ANK1: variants seen among roughly 807,000 people sequenced by gnomAD.
ANK1 encodes the protein ankyrin 1.
A neutral mutation model predicts 210.4 loss-of-function variants in ANK1; 51 were observed. The observed-to-expected ratio is 0.24, with a 90% confidence interval of 0.19 to 0.31. The LOEUF (loss-of-function observed/expected upper bound fraction) is 0.31. ANK1 is among the 10% of genes least tolerant of loss of function. The pLI is 1.00. For synonymous variants in ANK1, 967 were observed against 1,025.9 expected (o/e 0.94, Z 1.10); for missense variants, 2,051 against 2,504.4 (o/e 0.82, Z 3.86).
intron 39 of ANK1, among the ~76,000 whole-genome samples, chr8:41,667,126 C>T (rs558991813): frequency 3.8e-4 from 58 of 152,218 alleles, no homozygotes; most frequent in Non-Finnish European, 7.1e-4. Context: ...AAGAAACGGA[C>T]GGGCCGCCTG....
At chr8:41,734,795 C>T (rs1833030421) in intron 2 of ANK1, among the ~76,000 whole-genome samples, 1 of 151,934 alleles carries the variant, frequency 6.6e-6, no homozygotes, top group Non-Finnish European at 1.5e-5. Flanking sequence ...CCCAGCTACT[C>T]AGGGGGCTGA....
At chr8:41,822,440 C>A (rs1404752579) in intron 1 of ANK1, among the ~76,000 whole-genome samples, 3 of 152,166 alleles carry the variant, frequency 2.0e-5, no homozygotes, top group Non-Finnish European at 4.4e-5. Context: ...ATACTTCTAT[C>A]AGTAAAAATA....
chr8:41,776,186 A>G (rs907464413), intron 1 of ANK1, among the ~76,000 whole-genome samples: 4 of 152,158 alleles, frequency 2.6e-5, no homozygotes, highest in African/African-American at 9.7e-5. Flanking sequence ...GAAATTCAAT[A>G]TTCTCCAGTA....
intron 1 of ANK1, among the ~76,000 whole-genome samples, chr8:41,837,024 C>T (rs1348055688): frequency 6.6e-6 from 1 of 152,060 alleles, no homozygotes; most frequent in Non-Finnish European, 1.5e-5. Context: ...TGTGTGACGT[C>T]CCCCCAAGGG....
rs987458909 is a variant in ANK1, at chr8:41,714,982, G to A, written c.1695C>T (p.Ala565=). The A allele has an allele frequency of 9.9e-6, 16 of 1,613,882 alleles. No individual in the cohort carries two copies. Among genetic ancestry groups the A allele is most frequent in the Admixed American group, 5.0e-5 (3 of 59,988 alleles). The change falls in exon 15 of 43, where the codon GCC becomes GCT. Residue 565 remains alanine, a synonymous_variant. Coordinates refer to ENST00000289734, the MANE Select transcript of ANK1 (RefSeq NM_000037.4). ...LLERDAHPNA[A]GKNGLTPLHV... The stretch of plus-strand genomic sequence containing the variant: ...GGGCAGGGTTCAAACTCACTTTTCC[G>A]GCAGCATTCGGGTGTGCGTCCCGCT...
rs1219442015 is a variant in ANK1, at chr8:41,715,191, G to C, written c.1603-117C>G. ...GCATGGAGAGGCCAATGAAAGCAAA[G>C]GCACAGCCATTTTTGAGCCCTCTGG... On this transcript the variant is annotated intron_variant, in intron 14 of 42. Transcript: ENST00000289734. 9 of 957,196 alleles carry C rather than the reference G, an allele frequency of 9.4e-6. No individual in the cohort carries two copies. The East Asian group carries it at 2.2e-4, about 24-fold the overall frequency. 59.3% of individuals were successfully genotyped at this position (957,196 alleles called of 1,614,324 possible). A position where few individuals can be genotyped will look rare whatever the true frequency, so the allele number is the denominator to read the frequency against.
At chr8:41,787,475 T>G (rs571904021) in intron 1 of ANK1, among the ~76,000 whole-genome samples, 2 of 152,126 alleles carry the variant, frequency 1.3e-5, no homozygotes, top group African/African-American at 4.8e-5. Context: ...CTGACAGGGG[T>G]AGCTGGGAGA....
At chr8:41,723,705 C>T (rs368215745) in intron 7 of ANK1, 72 bp from the exon 8 acceptor site, 3 of 1,387,888 alleles carry the variant, frequency 2.2e-6, no homozygotes, top group Non-Finnish European at 3.0e-6. Flanking sequence ...CACCCGCTCC[C>T]CTTGTCCCCA....
rs1239318019 is a variant in ANK1, at chr8:41,693,321, C to T, written c.3533-120G>A. The T allele has an allele frequency of 1.3e-5, 11 of 842,276 alleles. No individual in the cohort carries two copies. In the East Asian group the frequency reaches 2.4e-4, roughly 18 times the overall value. The allele number at this position is 842,276 out of a possible 1,614,324, so 52.2% of individuals were successfully genotyped here. ...TGGGTGAAGCTCACTTTGTCTGCAG[C>T]CCTGGGCACCCTACCCTCACCCCGC... On this transcript the variant is annotated intron_variant, in intron 29 of 42. Transcript: ENST00000289734.
intron 1 of ANK1, among the ~76,000 whole-genome samples, chr8:41,848,187 A>AAAATAAATAAATAAAT (rs10632156): frequency 1.6e-4 from 23 of 142,954 alleles, no homozygotes; most frequent in South Asian, 6.9e-4. Context: ...CTCAATTTCA[A>AAAATAAATAAATAAAT]AAATAAATAA....
At chr8:41,690,681 C>T in intron 31 of ANK1, 82 bp from the exon 32 acceptor site, 13 of 1,548,488 alleles carry the variant, frequency 8.4e-6, no homozygotes, top group South Asian at 2.2e-5. Flanking sequence ...GTCCTTCCCT[C>T]TCCAAGACAC....
At chr8:41,741,607 A>G (rs527329790) in intron 2 of ANK1, among the ~76,000 whole-genome samples, 87 of 151,154 alleles carry the variant, frequency 5.8e-4, no homozygotes, top group African/African-American at 1.9e-3. Flanking sequence ...TTTGGCTTGT[A>G]TGGTGAACAC....
At chr8:41,862,274 A>T (rs1813405944) in intron 1 of ANK1, among the ~76,000 whole-genome samples, 1 of 152,138 alleles carries the variant, frequency 6.6e-6, no homozygotes, top group African/African-American at 2.4e-5. Flanking sequence ...AACCTTTCTA[A>T]GCTTTAGTTT....
rs10544043 is a variant in ANK1 at position 41,883,440 on chromosome 8, ATGTTTGTT to A, written c.126+12907_126+12914del. Among the ~76,000 whole-genome samples the A allele has an allele frequency of 2.6e-3, 392 of 150,230 alleles. 1 individual carries two copies. The highest frequency in any genetic ancestry group is 6.8e-3 in the Middle Eastern group (2 of 292). ...CATAACAGGTACCGAGAAGGATCTC[ATGTTTGTT>A]TGTTTGTTTGTTTGTTTGTTTGTTT... On this transcript the variant is annotated intron_variant, in intron 1 of 42. Transcript: ENST00000265709.
At chr8:41,795,331 G>A (rs1340826382) in intron 1 of ANK1, among the ~76,000 whole-genome samples, 1 of 151,912 alleles carries the variant, frequency 6.6e-6, no homozygotes, top group Non-Finnish European at 1.5e-5. Flanking sequence ...TGGCCAACAT[G>A]GTGAGACTGA....
At chr8:41,825,497 G>A (rs115123215) in intron 1 of ANK1, among the ~76,000 whole-genome samples, 1,624 of 152,270 alleles carry the variant, frequency 0.011, 30 homozygotes, top group African/African-American at 0.038. Context: ...CAGTGTTTCC[G>A]CAAGTCTCTT....
chr8:41,843,785 T>G (rs1200356692), intron 1 of ANK1, among the ~76,000 whole-genome samples: 1 of 152,182 alleles, frequency 6.6e-6, no homozygotes, highest in Non-Finnish European at 1.5e-5. Flanking sequence ...GTACGGATCT[T>G]GTTAACTCAA....
intron 13 of ANK1, 35 bp downstream of exon 13, chr8:41,716,918 T>A: frequency 1.2e-6 from 2 of 1,600,912 alleles, no homozygotes; most frequent in Non-Finnish European, 8.6e-7. Context: ...ACTGCTCACA[T>A]CTGAAACCCT....
At chr8:41,787,581 T>A (rs1412245326) in intron 1 of ANK1, among the ~76,000 whole-genome samples, 1 of 152,088 alleles carries the variant, frequency 6.6e-6, no homozygotes. Flanking sequence ...GCTTCAAACA[T>A]CCTTGAAAAA....
Sources: gnomAD v4.1 joint callset for allele counts (sites outside exome capture counted in the v4.1 genomes callset) on GRCh38, gnomAD v4.1.1 for gene constraint, MANE v1.5 for transcripts, NCBI Gene and HGNC (gene_info 2026-07-23, HGNC 2026-07-21) for gene names.